GALNTL6: variants seen among roughly 807,000 people sequenced by gnomAD.
The protein encoded by GALNTL6 is polypeptide N-acetylgalactosaminyltransferase-like 6.
Under a neutral mutation model 73.7 loss-of-function variants are expected in GALNTL6, and 46 were observed. The observed-to-expected ratio is 0.62, with a 90% CI of 0.49 to 0.80. The LOEUF (loss-of-function observed/expected upper bound fraction) is 0.80. Ranked by LOEUF, GALNTL6 falls within the 30% of genes least tolerant of loss-of-function variation. The pLI, the probability that GALNTL6 is intolerant of heterozygous loss-of-function variation, is 0.00. For synonymous variants in GALNTL6, 259 were observed against 263.7 expected (o/e 0.98, Z 0.17); for missense variants, 604 against 755.0 (o/e 0.80, Z 2.34).
At chr4:172,888,690 T>G (rs1032949008) in intron 8 of GALNTL6, among the ~76,000 whole-genome samples, 5 of 152,216 alleles carry the variant, frequency 3.3e-5, no homozygotes, top group Admixed American at 2.0e-4. Flanking sequence ...TTAGGTAATG[T>G]GGTACCTCCG....
chr4:172,594,350 A>C (rs953459386), intron 5 of GALNTL6, among the ~76,000 whole-genome samples: 2 of 152,166 alleles, frequency 1.3e-5, no homozygotes, highest in Non-Finnish European at 2.9e-5. Flanking sequence ...GTCTCAAAAA[A>C]AGTAAAAAGA....
chr4:172,380,155 C>G, intron 5 of GALNTL6: 1 of 1,048,194 alleles, frequency 9.5e-7, no homozygotes, highest in Non-Finnish European at 1.5e-6. Flanking sequence ...GAGCACTTAA[C>G]AAGGCCTGGA....
At chr4:172,599,442 G>T (rs1737976190) in intron 5 of GALNTL6, among the ~76,000 whole-genome samples, 1 of 152,056 alleles carries the variant, frequency 6.6e-6, no homozygotes, top group African/African-American at 2.4e-5. Context: ...TTAATGTATT[G>T]CTGAGTTAAG....
chr4:172,210,862 A>G (rs1180551279), intron 2 of GALNTL6, among the ~76,000 whole-genome samples: 4 of 152,172 alleles, frequency 2.6e-5, no homozygotes, highest in Non-Finnish European at 4.4e-5. Flanking sequence ...TATTTATTCA[A>G]TCATTTGTTT....
At chr4:172,684,224 A>G (rs1190106315) in intron 5 of GALNTL6, among the ~76,000 whole-genome samples, 1 of 152,192 alleles carries the variant, frequency 6.6e-6, no homozygotes, top group Non-Finnish European at 1.5e-5. Context: ...ATCATTAGAG[A>G]TGATGGCGTA....
At chr4:172,404,850 A>G in intron 5 of GALNTL6, among the ~76,000 whole-genome samples, 1 of 152,064 alleles carries the variant, frequency 6.6e-6, no homozygotes, top group East Asian at 1.9e-4. Context: ...CTGATTGTGT[A>G]ATGAAGAGCT....
chr4:172,237,919 G>A (rs539396907), intron 3 of GALNTL6, among the ~76,000 whole-genome samples: 3 of 151,958 alleles, frequency 2.0e-5, no homozygotes, highest in African/African-American at 7.2e-5. Context: ...TTAAATCTGG[G>A]GTCTCTAGTC....
chr4:172,389,011 T>C (rs957409245), intron 5 of GALNTL6, among the ~76,000 whole-genome samples: 1 of 151,932 alleles, frequency 6.6e-6, no homozygotes, highest in African/African-American at 2.4e-5. Flanking sequence ...TTAAAGTTAG[T>C]TTTTTAAAAT....
At chr4:171,822,361 T>C (rs747545101) in intron 2 of GALNTL6, among the ~76,000 whole-genome samples, 1 of 152,192 alleles carries the variant, frequency 6.6e-6, no homozygotes. Context: ...TACTTCAAGT[T>C]TGTAGGTGGG....
intron 3 of GALNTL6, among the ~76,000 whole-genome samples, chr4:172,295,390 C>T (rs1042726025): frequency 4.7e-5 from 7 of 147,574 alleles, no homozygotes; most frequent in African/African-American, 1.7e-4. Context: ...CCACTGCACT[C>T]GAGCCTGGGC....
intron 5 of GALNTL6, among the ~76,000 whole-genome samples, chr4:172,682,929 C>CTCTTG (rs1560877302): frequency 6.6e-6 from 1 of 152,068 alleles, no homozygotes; most frequent in Non-Finnish European, 1.5e-5. Context: ...ATTATATTGT[C>CTCTTG]TCTGTTGATT....
intron 2 of GALNTL6, among the ~76,000 whole-genome samples, chr4:171,976,420 G>C (rs1176544508): frequency 6.6e-6 from 1 of 152,204 alleles, no homozygotes. Context: ...AGAGAATGCT[G>C]TTTCTGCAGG....
At chr4:173,027,142 C>T (rs1029548721) in intron 12 of GALNTL6, among the ~76,000 whole-genome samples, 1 of 152,118 alleles carries the variant, frequency 6.6e-6, no homozygotes, top group Non-Finnish European at 1.5e-5. Context: ...GCACATGCCA[C>T]CCAGCTACTT....
At chr4:171,901,576 C>A (rs949952994) in intron 2 of GALNTL6, among the ~76,000 whole-genome samples, 1 of 152,152 alleles carries the variant, frequency 6.6e-6, no homozygotes, top group African/African-American at 2.4e-5. Context: ...CAGGACCAGA[C>A]CATGTTCATG....
chr4:172,711,988 T>A (rs1734735407), intron 5 of GALNTL6, among the ~76,000 whole-genome samples: 1 of 152,106 alleles, frequency 6.6e-6, no homozygotes, highest in Non-Finnish European at 1.5e-5. Flanking sequence ...AAAAGAGCAC[T>A]TCAAGAGGAC....
chr4:172,660,377 GC>G (rs1731301245), intron 5 of GALNTL6, among the ~76,000 whole-genome samples: 1 of 152,266 alleles, frequency 6.6e-6, no homozygotes, highest in Non-Finnish European at 1.5e-5. Flanking sequence ...CCCTCAAGGG[GC>G]AAAAGGCATC....
chr4:172,328,390 A>T (rs1287008625), intron 4 of GALNTL6, among the ~76,000 whole-genome samples: 1 of 151,840 alleles, frequency 6.6e-6, no homozygotes, highest in African/African-American at 2.4e-5. Flanking sequence ...CTTGTGTAGA[A>T]TCTTGTAGGG....
At chr4:172,396,005 A>G (rs1379937982) in intron 5 of GALNTL6, among the ~76,000 whole-genome samples, 1 of 152,178 alleles carries the variant, frequency 6.6e-6, no homozygotes, top group African/African-American at 2.4e-5. Context: ...TGCTTAAATC[A>G]TCCTAGTGCC....
chr4:172,842,436 G>A (rs954049767), intron 7 of GALNTL6, among the ~76,000 whole-genome samples: 7 of 152,110 alleles, frequency 4.6e-5, no homozygotes, highest in African/African-American at 1.7e-4. Context: ...GTCTACTAGA[G>A]CTTCTGCTCA....
Sources: allele counts gnomAD v4.1 joint callset (sites outside exome capture counted in the v4.1 genomes callset), GRCh38; gene constraint gnomAD v4.1.1; transcripts MANE v1.5; gene names NCBI Gene and HGNC (gene_info 2026-07-23, HGNC 2026-07-21).